FHIT: variants seen among roughly 807,000 people sequenced by gnomAD.
FHIT encodes the protein fragile histidine triad diadenosine triphosphatase.
FHIT carries 19 observed loss-of-function variants against 17.9 expected under a neutral mutation model. That is an observed-to-expected ratio of 1.06 (90% CI 0.74 to 1.56). The LOEUF (loss-of-function observed/expected upper bound fraction) is 1.56. FHIT is among the 40% of genes most tolerant of loss of function. The pLI is 0.00. For missense variants in FHIT, 248 were observed against 189.2 expected (o/e 1.31, Z -1.82); for synonymous variants, 81 against 69.7 (o/e 1.16, Z -0.81).
Position 60,114,059 on chromosome 3 carries a change from AT to A in FHIT, c.104-99908del, listed in dbSNP as rs1559644247. Among the ~76,000 whole-genome samples, 22 of 102,050 alleles carry A rather than the reference AT, an allele frequency of 2.2e-4. 1 individual carries two copies. Among genetic ancestry groups the A allele is most frequent in the Non-Finnish European group, 2.9e-4 (15 of 52,100 alleles). The allele number at this position is 102,050 out of a possible 152,430, so 66.9% of individuals were successfully genotyped here. A position where few individuals can be genotyped will look rare whatever the true frequency, so the allele number is the denominator to read the frequency against. On this transcript the variant is annotated intron_variant, in intron 5 of 9. Transcript: ENST00000492590. Reference sequence around the variant, plus strand: ...AAAATATATATATATATATATATATATATATATATATATAATGTTATATGTA... The same window carrying A: ...AAAATATATATATATATATATATATAATATATATATATAATGTTATATGTA...
chr3:60,546,057 T>C (rs1257035212), intron 4 of FHIT, among the ~76,000 whole-genome samples: 1 of 152,194 alleles, frequency 6.6e-6, no homozygotes, highest in Admixed American at 6.5e-5. Flanking sequence ...ATTTGACAAG[T>C]ATAAATTTTT....
intron 4 of FHIT, among the ~76,000 whole-genome samples, chr3:60,595,397 C>T (rs572237824): frequency 8.0e-5 from 12 of 150,224 alleles, no homozygotes; most frequent in African/African-American, 2.4e-4. Flanking sequence ...ATACTTGGCT[C>T]CTGTAAATTG....
chr3:60,477,880 C>T lies in FHIT; in HGVS notation c.103+58980G>A, dbSNP rs555960176. ...ATGATAGGGAGCAACACTTTTTCAC[C>T]CTGTTCATAGTACGAATGAAAGGTG... On this transcript the variant is annotated intron_variant, in intron 5 of 9. Coordinates refer to ENST00000492590, the MANE Select transcript of FHIT (RefSeq NM_002012.4). Among the ~76,000 whole-genome samples, 284 of 152,134 alleles carry T rather than the reference C, an allele frequency of 1.9e-3. 3 individuals are homozygous for T. Among genetic ancestry groups the T allele is most frequent in the Non-Finnish European group, 3.4e-3 (231 of 67,986 alleles).
intron 5 of FHIT, among the ~76,000 whole-genome samples, chr3:60,176,481 A>G (rs1205935766): frequency 6.6e-6 from 1 of 152,224 alleles, no homozygotes; most frequent in Non-Finnish European, 1.5e-5. Flanking sequence ...CATAAGGGCA[A>G]TCAAAATAGC....
intron 5 of FHIT, among the ~76,000 whole-genome samples, chr3:60,081,813 C>T (rs1228217665): frequency 6.6e-6 from 1 of 152,044 alleles, no homozygotes; most frequent in African/African-American, 2.4e-5. Flanking sequence ...CCATGCATGC[C>T]AGGCATCTTT....
chr3:60,472,420 G>C (rs1259020023), intron 5 of FHIT, among the ~76,000 whole-genome samples: 1 of 148,792 alleles, frequency 6.7e-6, no homozygotes, highest in Non-Finnish European at 1.5e-5. Context: ...CCAGGCTGGA[G>C]TGCAGTGGCG....
In FHIT at chr3:60,468,038, T is replaced by C. The variant is rs145398815; in HGVS notation, c.103+68822A>G. Among the ~76,000 whole-genome samples the C allele has an allele frequency of 1.4e-3, 214 of 152,318 alleles. 2 individuals carry two copies. Among genetic ancestry groups the C allele is most frequent in the Middle Eastern group, 6.8e-3 (2 of 294 alleles). On this transcript the variant is annotated intron_variant, in intron 5 of 9. Transcript: ENST00000492590. Reference sequence around the variant, plus strand: ...TTGCTGAATTGACCCCTTTGTCATATAATGACCTTCTTTGTCTCTTACCAT... The same window carrying C: ...TTGCTGAATTGACCCCTTTGTCATACAATGACCTTCTTTGTCTCTTACCAT...
chr3:59,978,605 G>A (rs1173104200), intron 7 of FHIT, among the ~76,000 whole-genome samples: 1 of 151,402 alleles, frequency 6.6e-6, no homozygotes, highest in Non-Finnish European at 1.5e-5. Flanking sequence ...TATCTAAGTA[G>A]AAGTTTAGAA....
chr3:59,996,124 A>T (rs1263148860), intron 7 of FHIT, among the ~76,000 whole-genome samples: 2 of 152,140 alleles, frequency 1.3e-5, no homozygotes, highest in Non-Finnish European at 2.9e-5. Flanking sequence ...ATGTGTGCTA[A>T]GCACTAAGCA....
intron 4 of FHIT, among the ~76,000 whole-genome samples, chr3:60,634,945 C>T (rs868908999): frequency 6.6e-6 from 1 of 152,142 alleles, no homozygotes; most frequent in East Asian, 1.9e-4. Context: ...ATCCTCAACC[C>T]ACAACAGCCT....
intron 5 of FHIT, among the ~76,000 whole-genome samples, chr3:60,192,950 A>G (rs1363161469): frequency 6.6e-6 from 1 of 152,204 alleles, no homozygotes; most frequent in Non-Finnish European, 1.5e-5. Context: ...TGCCAGTGAA[A>G]GAATATTCTC....
At position 60,628,169 on chromosome 3, in the gene FHIT, ATTGT is replaced by A. The variant is rs576423780; in HGVS notation, c.-17-91194_-17-91191del. Among the ~76,000 whole-genome samples, 782 of 152,260 alleles carry A rather than the reference ATTGT, an allele frequency of 5.1e-3. 1 individual carries two copies. The highest frequency in any genetic ancestry group is 7.6e-3 in the Non-Finnish European group (519 of 68,018). ...TCTTCATTTTCATCAATGACATAAA[ATTGT>A]TTCTCATTTTCATTGTGATTTTTTA... is the stretch of plus-strand genomic sequence containing the variant. On this transcript the variant is annotated intron_variant, in intron 4 of 9. Coordinates refer to ENST00000492590, the MANE Select transcript of FHIT (RefSeq NM_002012.4).
chr3:60,313,554 C>G lies in FHIT; in HGVS notation c.103+223306G>C, dbSNP rs560909491. Among the ~76,000 whole-genome samples, 26 of 152,244 alleles carry G rather than the reference C, an allele frequency of 1.7e-4. 1 individual carries two copies. Among genetic ancestry groups the G allele is most frequent in the Admixed American group, 1.4e-3 (22 of 15,294 alleles). The stretch of plus-strand genomic sequence containing the variant: ...GTCACTTTATACAAATAGGTTGTCA[C>G]GTAAAGTGCAAACAACTCTCTTTTG... On this transcript the variant is annotated intron_variant, in intron 5 of 9. Coordinates refer to ENST00000492590, the MANE Select transcript of FHIT (RefSeq NM_002012.4).
chr3:61,043,167 A>G (rs2107695587), intron 2 of FHIT, among the ~76,000 whole-genome samples: 1 of 152,322 alleles, frequency 6.6e-6, no homozygotes, highest in South Asian at 2.1e-4. Flanking sequence ...TGCCTCACCC[A>G]GGCAGTGCAA....
chr3:60,323,088 A>C (rs1709506790), intron 5 of FHIT, among the ~76,000 whole-genome samples: 1 of 152,134 alleles, frequency 6.6e-6, no homozygotes, highest in African/African-American at 2.4e-5. Context: ...AACTTCCTGC[A>C]AAAATCCTAC....
intron 8 of FHIT, among the ~76,000 whole-genome samples, chr3:59,914,285 T>C (rs566896802): frequency 1.3e-5 from 2 of 152,270 alleles, no homozygotes; most frequent in East Asian, 3.9e-4. Context: ...CACAGGTGGC[T>C]AGCTGCTACC....
At chr3:60,087,271 G>A (rs114818150) in intron 5 of FHIT, among the ~76,000 whole-genome samples, 35 of 152,316 alleles carry the variant, frequency 2.3e-4, no homozygotes, top group African/African-American at 7.9e-4. Context: ...CTGGGCCTAT[G>A]ATAGGAGGGG....
At chr3:59,974,113 A>C (rs980031339) in intron 7 of FHIT, among the ~76,000 whole-genome samples, 1 of 152,126 alleles carries the variant, frequency 6.6e-6, no homozygotes, top group East Asian at 1.9e-4. Flanking sequence ...TTAGCAATCT[A>C]TACTGGCCAT....
rs1700692639 is a variant in FHIT at position 59,747,937 on chromosome 3, T to TTAAG, written c.*1644_*1647dup. On this transcript the variant is annotated 3_prime_UTR_variant, in exon 10 of 10. Transcript: ENST00000492590. ...AGTCATATTCCTGTTTAAGATAATC[T>TTAAG]TAAGTGATCTACATTGAATCTCTCA... Among the ~76,000 whole-genome samples the TTAAG allele has an allele frequency of 1.3e-5, 2 of 152,154 alleles. No homozygotes were observed.
Sources: allele counts gnomAD v4.1 joint callset (sites outside exome capture counted in the v4.1 genomes callset), GRCh38; gene constraint gnomAD v4.1.1; transcripts MANE v1.5; gene names NCBI Gene and HGNC (gene_info 2026-07-23, HGNC 2026-07-21).